The following RFX4 variants were observed in gnomAD, a reference collection of about 807,000 sequenced individuals.
The protein encoded by RFX4 is regulatory factor X4.
Under a neutral mutation model 95.0 loss-of-function variants are expected in RFX4, and 10 were observed. That is an observed-to-expected ratio of 0.11 (90% CI 0.06 to 0.18). The LOEUF is 0.18. Among genes scored for constraint, RFX4 ranks in the 10% least tolerant of loss-of-function variants. The pLI, the probability that RFX4 is intolerant of heterozygous loss-of-function variation, is 1.00. For missense variants in RFX4, 640 were observed against 922.0 expected (o/e 0.69, Z 3.96); for synonymous variants, 321 against 340.7 (o/e 0.94, Z 0.64).
intron 16 of RFX4, 77 bp downstream of exon 16, chr12:106,747,676 G>A (rs1257026729): frequency 6.6e-7 from 1 of 1,518,352 alleles, no homozygotes. Flanking sequence ...CTCACACCCT[G>A]TAATCCCAGC....
At chr12:106,675,216 A>G (rs1719580593) in intron 4 of RFX4, among the ~76,000 whole-genome samples, 1 of 152,166 alleles carries the variant, frequency 6.6e-6, no homozygotes, top group Non-Finnish European at 1.5e-5. Flanking sequence ...GGATCACTTG[A>G]GGCCAGGAGC....
chr12:106,742,154 T>G (rs1371176308), intron 15 of RFX4, among the ~76,000 whole-genome samples: 2 of 152,188 alleles, frequency 1.3e-5, no homozygotes, highest in Admixed American at 1.3e-4. Flanking sequence ...TAGCAGAATC[T>G]CAAAGCTTCA....
intron 15 of RFX4, among the ~76,000 whole-genome samples, chr12:106,737,179 T>TG (rs2042725856): frequency 3.5e-5 from 3 of 85,842 alleles, no homozygotes; most frequent in Non-Finnish European, 2.3e-5. Flanking sequence ...TTTTTTTTTT[T>TG]TTTTTTTTTT....
In RFX4 at chr12:106,614,476, C is replaced by CGTGTGT. The variant is rs1337978270; in HGVS notation, c.130+5593_130+5594insGTGTGT. ...GCCCGGCCCTTCTTCACGTCTTTTG[C>CGTGTGT]CTGTGTGTGTGTGTGTGTGTGTGTG... is the stretch of plus-strand genomic sequence containing the variant. On this transcript the variant is annotated intron_variant, in intron 2 of 17. Coordinates refer to ENST00000392842, the MANE Select transcript of RFX4 (RefSeq NM_213594.3). Among the ~76,000 whole-genome samples, 14 of 65,112 alleles carry CGTGTGT rather than the reference C, an allele frequency of 2.2e-4. No individual in the cohort carries two copies. The East Asian group carries it at 2.2e-3, about 10-fold the overall frequency. 42.7% of individuals were successfully genotyped at this position (65,112 alleles called of 152,430 possible).
At chr12:106,593,829 A>G (rs1435555288) in intron 1 of RFX4, among the ~76,000 whole-genome samples, 3 of 152,258 alleles carry the variant, frequency 2.0e-5, no homozygotes, top group Non-Finnish European at 4.4e-5. Flanking sequence ...GCTCATGAAT[A>G]AGTCAAGTTT....
chr12:106,628,325 CTAT>C (rs371748374), intron 2 of RFX4, among the ~76,000 whole-genome samples: 11 of 152,306 alleles, frequency 7.2e-5, no homozygotes, highest in African/African-American at 2.4e-4. Flanking sequence ...GGGGAAGGCA[CTAT>C]GTCTGACTGT....
At chr12:106,636,766 A>G (rs1390766559) in intron 2 of RFX4, among the ~76,000 whole-genome samples, 1 of 152,182 alleles carries the variant, frequency 6.6e-6, no homozygotes, top group African/African-American at 2.4e-5. Flanking sequence ...CAACTGAAGA[A>G]ACTGTGCTAT....
chr12:106,587,837 G>A (rs1040689970), intron 1 of RFX4, among the ~76,000 whole-genome samples: 5 of 152,236 alleles, frequency 3.3e-5, no homozygotes, highest in Admixed American at 2.6e-4. Flanking sequence ...GGAAGAGAAG[G>A]GAGCGTCTGG....
chr12:106,710,532 A>G (rs2042172720), intron 9 of RFX4, among the ~76,000 whole-genome samples: 1 of 152,144 alleles, frequency 6.6e-6, no homozygotes, highest in Admixed American at 6.5e-5. Flanking sequence ...TCTGAGTACA[A>G]ATTAGAATAA....
intron 1 of RFX4, among the ~76,000 whole-genome samples, chr12:106,590,906 C>T (rs2039530235): frequency 6.6e-6 from 1 of 151,886 alleles, no homozygotes; most frequent in African/African-American, 2.4e-5. Flanking sequence ...CTGATCACAC[C>T]ACTGCACTTC....
chr12:106,597,893 T>G (rs1592833731), intron 1 of RFX4, among the ~76,000 whole-genome samples: 1 of 151,700 alleles, frequency 6.6e-6, no homozygotes, highest in Admixed American at 6.6e-5. Context: ...GGTGCAAAAA[T>G]AAAAAAGAAA....
intron 1 of RFX4, among the ~76,000 whole-genome samples, chr12:106,608,329 C>T (rs2039881729): frequency 6.6e-6 from 1 of 152,226 alleles, no homozygotes; most frequent in Non-Finnish European, 1.5e-5. Context: ...TGCCCTCTTT[C>T]AACCAGAGTC....
In RFX4 at chr12:106,583,348, G is replaced by A; in HGVS notation, c.28G>A (p.Asp10Asn). MHCGLLEEPDMDSTESWIER... is the reference protein window; with the variant it reads MHCGLLEEPNMDSTESWIER... ...GCATTGTGGGTTACTGGAGGAACCC[G>A]ACATGGATTCCACAGGTTAGTCCTA... The change falls in exon 1 of 18, where the codon GAC becomes AAC. Residue 10 changes from aspartate (D) to asparagine (N), a missense_variant. Physicochemically the swap from Asp to Asn is conservative, Grantham distance 23. Transcript: ENST00000392842. 4 of 1,587,336 alleles carry A rather than the reference G, an allele frequency of 2.5e-6. No individual in the cohort carries two copies. Among genetic ancestry groups the A allele is most frequent in the Non-Finnish European group, 3.4e-6 (4 of 1,170,510 alleles).
intron 13 of RFX4, among the ~76,000 whole-genome samples, chr12:106,723,528 T>C (rs962017678): frequency 6.6e-6 from 1 of 152,190 alleles, no homozygotes; most frequent in Admixed American, 6.5e-5. Flanking sequence ...GCAGCCTGGG[T>C]GTGACAGCTG....
intron 13 of RFX4, among the ~76,000 whole-genome samples, chr12:106,723,369 T>G (rs1592982771): frequency 6.6e-6 from 1 of 152,230 alleles, no homozygotes; most frequent in Admixed American, 6.5e-5. Flanking sequence ...CTGATTTCAG[T>G]TCCTAGAGTA....
intron 11 of RFX4, 112 bp downstream of exon 11, chr12:106,715,656 C>T: frequency 2.4e-6 from 3 of 1,241,438 alleles, no homozygotes; most frequent in Non-Finnish European, 3.4e-6. Flanking sequence ...AGCATCTCTT[C>T]CTCCTTATTG....
At chr12:106,757,922 T>C (rs1216985778) in intron 17 of RFX4, among the ~76,000 whole-genome samples, 2 of 152,240 alleles carry the variant, frequency 1.3e-5, no homozygotes, top group African/African-American at 2.4e-5. Context: ...CTGATGAACG[T>C]TGGACTGTGT....
At chr12:106,677,152 G>A (rs1424567798) in intron 4 of RFX4, among the ~76,000 whole-genome samples, 1 of 152,180 alleles carries the variant, frequency 6.6e-6, no homozygotes, top group East Asian at 1.9e-4. Flanking sequence ...TGGAACCCGG[G>A]TGAGCCTGAC....
chr12:106,655,746 G>A (rs1356762492), intron 4 of RFX4, among the ~76,000 whole-genome samples: 1 of 152,172 alleles, frequency 6.6e-6, no homozygotes, highest in East Asian at 1.9e-4. Flanking sequence ...AGCCTCAGCT[G>A]CCCCAGCTTC....
Sources: allele counts gnomAD v4.1 joint callset (sites outside exome capture counted in the v4.1 genomes callset), GRCh38; gene constraint gnomAD v4.1.1; transcripts MANE v1.5; gene names NCBI Gene and HGNC (gene_info 2026-07-23, HGNC 2026-07-21).